ADCK2: variants seen among roughly 807,000 people sequenced by gnomAD.
The protein encoded by ADCK2 is aarF domain containing kinase 2.
ADCK2 carries 37 observed loss-of-function variants against 52.3 expected under a neutral mutation model. The ratio of observed to expected loss-of-function variants is 0.71; its 90% CI spans 0.54 to 0.93. The LOEUF (loss-of-function observed/expected upper bound fraction) is 0.93, where lower values mean the gene tolerates loss of function less well. ADCK2 is among the 40% of genes least tolerant of loss of function. The pLI, the probability that ADCK2 is intolerant of heterozygous loss-of-function variation, is 0.00. For synonymous variants in ADCK2, 321 were observed against 349.2 expected (o/e 0.92, Z 0.90); for missense variants, 695 against 798.7 (o/e 0.87, Z 1.56).
At position 140,674,340 on chromosome 7, in the gene ADCK2, C is replaced by T. The variant is rs1238898645; in HGVS notation, c.933+77C>T. ...CAGAAACAACCGCCATGCAAATCGCCCCCACGTTTATTTCTATTTGCCTGA... is the reference window on the plus strand; with the variant it reads ...CAGAAACAACCGCCATGCAAATCGCTCCCACGTTTATTTCTATTTGCCTGA... On this transcript the variant is annotated intron_variant, in intron 1 of 7. Transcript: ENST00000072869. The surrounding 1 kb of genome is among the most constrained non-coding windows in gnomAD (Gnocchi z 4.6). The T allele has an allele frequency of 1.2e-5, 17 of 1,432,018 alleles. No homozygotes were observed. The highest frequency in any genetic ancestry group is 1.6e-5 in the Non-Finnish European group (17 of 1,063,442). The allele number at this position is 1,432,018 out of a possible 1,614,324, so 88.7% of individuals were successfully genotyped here. A position where few individuals can be genotyped will look rare whatever the true frequency, so the allele number is the denominator to read the frequency against.
chr7:140,681,328 T>G (rs563899934), intron 4 of ADCK2, among the ~76,000 whole-genome samples, 191 bp downstream of exon 4: 1 of 151,870 alleles, frequency 6.6e-6, no homozygotes, highest in African/African-American at 2.4e-5. Context: ...TTTTATTTTT[T>G]TTTTTTTGAG....
chr7:140,689,020 T>G (rs1034244811), intron 5 of ADCK2, among the ~76,000 whole-genome samples: 9 of 151,648 alleles, frequency 5.9e-5, no homozygotes, highest in Non-Finnish European at 1.2e-4. Flanking sequence ...TGGGCTGGAG[T>G]GCAGTGGTAC....
At chr7:140,677,566 T>C (rs781217769) in intron 2 of ADCK2, among the ~76,000 whole-genome samples, 109 of 152,336 alleles carry the variant, frequency 7.2e-4, no homozygotes, top group Non-Finnish European at 1.3e-3. Context: ...AGTTTAACAA[T>C]GATTTACAGA....
chr7:140,679,662 CTTTTTTTTTT>C (rs57302302), intron 3 of ADCK2, among the ~76,000 whole-genome samples: 8 of 75,370 alleles, frequency 1.1e-4, no homozygotes, highest in South Asian at 4.5e-4. Context: ...CCTTCTCTCT[CTTTTTTTTTT>C]TTTTTTTTTT....
Position 140,674,109 on chromosome 7 carries a change from G to T in ADCK2, c.779G>T (p.Gly260Val). 6.2e-7 allele frequency: 1 copy of T among 1,614,132 alleles called. No homozygotes were observed. The highest frequency in any genetic ancestry group is 8.5e-7 in the Non-Finnish European group (1 of 1,180,040). Reference protein sequence around the residue: ...LRELFGYLGNGRKPPENLADQ... With the variant: ...LRELFGYLGNVRKPPENLADQ... ...GAGCTCTTTGGATACCTTGGAAATG[G>T]CCGGAAACCTCCAGAAAATCTCGCA... is the stretch of plus-strand genomic sequence containing the variant. Residue 260 changes from glycine to valine, a missense_variant, in exon 1 of 8, where the codon GGC becomes GTC. Physicochemically the swap from Gly to Val is moderately radical, Grantham distance 109 (BLOSUM62 -3). Coordinates refer to ENST00000072869, the MANE Select transcript of ADCK2 (RefSeq NM_052853.4). This position sits in a 1 kb window ranked among gnomAD's most constrained non-coding sequence, Gnocchi z 4.6.
Position 140,673,273 on chromosome 7 carries a change from C to A in ADCK2, c.-58C>A. On this transcript the variant is annotated 5_prime_UTR_variant, in exon 1 of 8. Transcript: ENST00000072869. This position sits in a 1 kb window ranked among gnomAD's most constrained non-coding sequence, Gnocchi z 6.4. Reference sequence around the variant, plus strand: ...GGGCTTCGGCTTCACCGCAGCCTCGCCTGAGCGGGCGCCTCTGAAGTGGAG... The same window carrying A: ...GGGCTTCGGCTTCACCGCAGCCTCGACTGAGCGGGCGCCTCTGAAGTGGAG... The A allele has an allele frequency of 7.3e-7, 1 of 1,377,670 alleles. No homozygotes were observed. The highest frequency in any genetic ancestry group is 9.4e-7 in the Non-Finnish European group (1 of 1,060,272). 85.3% of individuals were successfully genotyped at this position (1,377,670 alleles called of 1,614,324 possible). A position where few individuals can be genotyped will look rare whatever the true frequency, so the allele number is the denominator to read the frequency against.
chr7:140,689,730 G>A lies in ADCK2; in HGVS notation c.1686+5G>A. ...AACACCATCACCCTGGAGAAGGTGG[G>A]CAGGTCACTTGCGGAACAGGGGCTG... On this transcript the variant is annotated splice_donor_5th_base_variant and intron_variant, in intron 6 of 7. Coordinates refer to ENST00000072869, the MANE Select transcript of ADCK2 (RefSeq NM_052853.4). The A allele has an allele frequency of 2.5e-6, 4 of 1,609,464 alleles. No homozygotes were observed. Among genetic ancestry groups the A allele is most frequent in the African/African-American group, 1.3e-5 (1 of 74,954 alleles).
chr7:140,675,102 G>C (rs1794376549), intron 2 of ADCK2, among the ~76,000 whole-genome samples: 1 of 152,042 alleles, frequency 6.6e-6, no homozygotes, highest in African/African-American at 2.4e-5. Context: ...AATTAGCTGG[G>C]CGTGGTGCTG....
At chr7:140,691,021 C>T (rs567290927) in intron 7 of ADCK2, among the ~76,000 whole-genome samples, 1 of 152,042 alleles carries the variant, frequency 6.6e-6, no homozygotes, top group African/African-American at 2.4e-5. Flanking sequence ...TGCTTCCTGG[C>T]TTCCAGTGAT....
chr7:140,676,259 G>C (rs771169782), intron 2 of ADCK2, among the ~76,000 whole-genome samples: 1 of 152,076 alleles, frequency 6.6e-6, no homozygotes, highest in Admixed American at 6.5e-5. Context: ...GTGTAAAGGC[G>C]CTGATTCATT....
intron 4 of ADCK2, among the ~76,000 whole-genome samples, chr7:140,683,029 G>A (rs545888882): frequency 1.1e-4 from 16 of 145,072 alleles, no homozygotes; most frequent in East Asian, 8.3e-4. Context: ...AAAGCCAGGC[G>A]CAGTGGCTCA....
At chr7:140,686,547 T>C (rs1794607726) in intron 4 of ADCK2, among the ~76,000 whole-genome samples, 1 of 152,154 alleles carries the variant, frequency 6.6e-6, no homozygotes, top group Non-Finnish European at 1.5e-5. Flanking sequence ...TCCCAAAGTG[T>C]TGGATTATAG....
Position 140,674,220 on chromosome 7 carries a change from GC to G in ADCK2, c.892del (p.His298ThrfsTer13). 4 of 1,613,790 alleles carry G rather than the reference GC, an allele frequency of 2.5e-6. No homozygotes were observed. Among genetic ancestry groups the G allele is most frequent in the Non-Finnish European group, 3.4e-6 (4 of 1,179,928 alleles). On this transcript the variant is annotated frameshift_variant, in exon 1 of 8. Transcript: ENST00000072869. LOFTEE classifies it high-confidence loss of function. This position sits in a 1 kb window ranked among gnomAD's most constrained non-coding sequence, Gnocchi z 4.6. ...NAGVSRAQVP[G>X]HQPEATNLIS... ...GGGGTGTCTCGGGCTCAGGTCCCTG[GC>G]CACCAACCTGAGGCCACCAACCTCA...
chr7:140,673,659 T>G lies in ADCK2; in HGVS notation c.329T>G (p.Phe110Cys), dbSNP rs771251360. ...WLRAGALLVK[F>C]FPLLLLYPLT... ...CGCGCCGGCGCTCTGTTGGTGAAAT[T>G]CTTCCCCCTCCTACTCCTCTACCCC... Residue 110 changes from phenylalanine to cysteine, a missense_variant, in exon 1 of 8, where the codon TTC becomes TGC. Transcript: ENST00000072869. The surrounding 1 kb of genome is among the most constrained non-coding windows in gnomAD (Gnocchi z 6.4). 2 of 1,610,466 alleles carry G rather than the reference T, an allele frequency of 1.2e-6. No homozygotes were observed. Among genetic ancestry groups the G allele is most frequent in the Non-Finnish European group, 1.7e-6 (2 of 1,179,832 alleles).
chr7:140,692,555 C>T (rs961890364), intron 7 of ADCK2, among the ~76,000 whole-genome samples: 6 of 152,170 alleles, frequency 3.9e-5, no homozygotes, highest in Admixed American at 2.0e-4. Flanking sequence ...GATAGGGTTT[C>T]GTCATGTTGG....
chr7:140,681,136 T>C lies in ADCK2; in HGVS notation c.1304T>C (p.Met435Thr), dbSNP rs1390172628. 1.2e-6 allele frequency: 2 copies of C among 1,613,894 alleles called. No individual in the cohort carries two copies. The highest frequency in any genetic ancestry group is 1.7e-6 in the Non-Finnish European group (2 of 1,179,932). The change falls in exon 4 of 8, where the codon ATG becomes ACG. Residue 435 changes from methionine (M) to threonine (T), a missense_variant and splice_region_variant. By Grantham distance (81) the Met-to-Thr change is moderately conservative. Coordinates refer to ENST00000072869, the MANE Select transcript of ADCK2 (RefSeq NM_052853.4). The part of the protein sequence containing the change: ...ARLGINMLLK[M>T]IFVDNFVHAD... Reference sequence around the variant, plus strand: ...CTGGGGATCAACATGCTCCTGAAGATGGTGAGCTCATGGCTGGAGCGGGCT... The same window carrying C: ...CTGGGGATCAACATGCTCCTGAAGACGGTGAGCTCATGGCTGGAGCGGGCT...
In ADCK2 at chr7:140,673,302, G is replaced by A. The variant is rs2130776121; in HGVS notation, c.-29G>A. 7.0e-7 allele frequency: 1 copy of A among 1,421,714 alleles called. No homozygotes were observed. The highest frequency in any genetic ancestry group is 1.5e-5 in the South Asian group (1 of 64,982). The allele number at this position is 1,421,714 out of a possible 1,614,324, so 88.1% of individuals were successfully genotyped here. ...AGCGGGCGCCTCTGAAGTGGAGGGCGGGCCGCCTGGGCCGCGGGCCTCGGG... is the reference window on the plus strand; with the variant it reads ...AGCGGGCGCCTCTGAAGTGGAGGGCAGGCCGCCTGGGCCGCGGGCCTCGGG... On this transcript the variant is annotated 5_prime_UTR_variant, in exon 1 of 8. Coordinates refer to ENST00000072869, the MANE Select transcript of ADCK2 (RefSeq NM_052853.4). This position sits in a 1 kb window ranked among gnomAD's most constrained non-coding sequence, Gnocchi z 6.4.
chr7:140,689,798 A>C (rs150612140), intron 6 of ADCK2, 73 bp downstream of exon 6: 40 of 1,430,058 alleles, frequency 2.8e-5, no homozygotes, highest in Non-Finnish European at 3.6e-5. Flanking sequence ...TCCTGGGTCT[A>C]AGGGAGACCT....
At chr7:140,679,709 G>C (rs1391007273) in intron 3 of ADCK2, among the ~76,000 whole-genome samples, 4 of 110,998 alleles carry the variant, frequency 3.6e-5, no homozygotes, top group Admixed American at 2.8e-4. Context: ...GTCTCACTCT[G>C]TTGCCCAGGC....
Sources: gnomAD v4.1 joint callset for allele counts (sites outside exome capture counted in the v4.1 genomes callset) on GRCh38, gnomAD v4.1.1 for gene constraint, Gnocchi (gnomAD v3.1) non-coding constraint, MANE v1.5 for transcripts, NCBI Gene and HGNC (gene_info 2026-07-23, HGNC 2026-07-21) for gene names.